TAFA4: variants seen among roughly 807,000 people sequenced by gnomAD.
TAFA4 encodes chemokine-like protein TAFA-4.
Under a neutral mutation model 21.1 loss-of-function variants are expected in TAFA4, and 20 were observed. The observed-to-expected ratio is 0.95, with a 90% CI of 0.67 to 1.38. The LOEUF (loss-of-function observed/expected upper bound fraction) is 1.38, where lower values mean the gene tolerates loss of function less well. TAFA4 is among the 40% of genes most tolerant of loss of function. The pLI is 0.00. For synonymous variants in TAFA4, 71 were observed against 67.4 expected (o/e 1.05, Z -0.26); for missense variants, 211 against 180.9 (o/e 1.17, Z -0.95).
chr3:68,910,754 T>G (rs34539210), intron 1 of TAFA4, among the ~76,000 whole-genome samples: 31,874 of 152,154 alleles, frequency 0.21, 3,383 homozygotes, highest in Middle Eastern at 0.32. Context: ...CAAAAATATT[T>G]TATGGGATTT....
intron 3 of TAFA4, among the ~76,000 whole-genome samples, chr3:68,813,553 C>T (rs1703889380): frequency 1.3e-5 from 2 of 152,178 alleles, no homozygotes; most frequent in Non-Finnish European, 2.9e-5. Flanking sequence ...TGCAAATAAA[C>T]TAGAAAATCT....
chr3:68,777,730 A>G (rs971293584), intron 3 of TAFA4, among the ~76,000 whole-genome samples: 1 of 152,212 alleles, frequency 6.6e-6, no homozygotes, highest in Non-Finnish European at 1.5e-5. Flanking sequence ...ATAATAATGT[A>G]TCTGTCGATG....
chr3:68,766,825 A>G (rs571307533), intron 3 of TAFA4, among the ~76,000 whole-genome samples: 1 of 152,292 alleles, frequency 6.6e-6, no homozygotes, highest in South Asian at 2.1e-4. Flanking sequence ...TGGGATAACA[A>G]AAAGAAAATT....
chr3:68,832,384 T>A (rs1704420942), intron 3 of TAFA4, among the ~76,000 whole-genome samples: 1 of 152,186 alleles, frequency 6.6e-6, no homozygotes, highest in Admixed American at 6.5e-5. Flanking sequence ...TCCTTTTTTG[T>A]TGATGTTGAT....
chr3:68,765,845 A>G (rs1702843465), intron 3 of TAFA4, among the ~76,000 whole-genome samples: 5 of 152,106 alleles, frequency 3.3e-5, no homozygotes, highest in African/African-American at 7.2e-5. Flanking sequence ...AGGGGAAGAG[A>G]TTCAGTATCC....
chr3:68,758,195 T>C (rs1044467792), intron 3 of TAFA4, among the ~76,000 whole-genome samples: 2 of 152,238 alleles, frequency 1.3e-5, no homozygotes, highest in Admixed American at 6.5e-5. Flanking sequence ...AGTTTCCCAC[T>C]GACAACATCT....
At chr3:68,917,753 C>CCA (rs764665164) in intron 1 of TAFA4, among the ~76,000 whole-genome samples, 1 of 58,188 alleles carries the variant, frequency 1.7e-5, no homozygotes, top group African/African-American at 6.4e-5. Flanking sequence ...GACTCTGTCT[C>CCA]AAAAAAAAAA....
At chr3:68,907,494 C>G (rs919355615) in intron 1 of TAFA4, among the ~76,000 whole-genome samples, 3 of 152,182 alleles carry the variant, frequency 2.0e-5, no homozygotes, top group African/African-American at 7.2e-5. Context: ...AGGAGAACAA[C>G]AAGACGACAT....
At chr3:68,844,198 T>G (rs1352402832) in intron 3 of TAFA4, among the ~76,000 whole-genome samples, 1 of 152,150 alleles carries the variant, frequency 6.6e-6, no homozygotes, top group Non-Finnish European at 1.5e-5. Context: ...TTTCAGAACT[T>G]GTTATTGGTC....
chr3:68,807,662 T>C (rs954571843), intron 3 of TAFA4, among the ~76,000 whole-genome samples: 21 of 152,354 alleles, frequency 1.4e-4, no homozygotes, highest in East Asian at 1.9e-4. Context: ...TATGTTTATA[T>C]AGTGTTAGAA....
chr3:68,850,386 GAC>G (rs1171196526), intron 3 of TAFA4, among the ~76,000 whole-genome samples: 1 of 152,094 alleles, frequency 6.6e-6, no homozygotes, highest in Non-Finnish European at 1.5e-5. Context: ...CTTAGTGAGG[GAC>G]AAAACAGACA....
At chr3:68,748,943 T>C (rs1702511190) in intron 4 of TAFA4, among the ~76,000 whole-genome samples, 1 of 152,188 alleles carries the variant, frequency 6.6e-6, no homozygotes. Flanking sequence ...GCATTATCTC[T>C]ATAGAGCAGT....
chr3:68,829,269 G>T (rs1704322640), intron 3 of TAFA4, among the ~76,000 whole-genome samples: 1 of 152,054 alleles, frequency 6.6e-6, no homozygotes, highest in Non-Finnish European at 1.5e-5. Context: ...TCTGATCTTT[G>T]ACAAACCTGA....
chr3:68,763,325 A>C (rs1019897808), intron 3 of TAFA4, among the ~76,000 whole-genome samples: 21 of 152,164 alleles, frequency 1.4e-4, no homozygotes, highest in African/African-American at 4.3e-4. Context: ...CTGAAAAGCC[A>C]TGTAGCAAAA....
chr3:68,784,828 G>A (rs1240020244), intron 3 of TAFA4, among the ~76,000 whole-genome samples: 2 of 152,154 alleles, frequency 1.3e-5, no homozygotes, highest in Non-Finnish European at 2.9e-5. Context: ...TACAACCCCT[G>A]AGCTAGACAC....
chr3:68,820,500 AC>A (rs1429404960), intron 3 of TAFA4, among the ~76,000 whole-genome samples: 1 of 151,826 alleles, frequency 6.6e-6, no homozygotes, highest in Non-Finnish European at 1.5e-5. Flanking sequence ...ACATAGTGAA[AC>A]CTCATCCTAC....
At chr3:68,839,954 ACAC>A (rs956775517) in intron 3 of TAFA4, among the ~76,000 whole-genome samples, 36 of 152,318 alleles carry the variant, frequency 2.4e-4, no homozygotes, top group Admixed American at 1.4e-3. Context: ...CAGATTTAAT[ACAC>A]AGGCAGAAAG....
intron 3 of TAFA4, among the ~76,000 whole-genome samples, chr3:68,823,291 C>T (rs2106866145): frequency 6.6e-6 from 1 of 152,238 alleles, no homozygotes; most frequent in East Asian, 1.9e-4. Flanking sequence ...CACTAAAATG[C>T]AGTAGTATTA....
intron 1 of TAFA4, among the ~76,000 whole-genome samples, chr3:68,925,466 G>T (rs537412187): frequency 6.6e-6 from 1 of 152,192 alleles, no homozygotes; most frequent in East Asian, 1.9e-4. Flanking sequence ...TTTTTCTTTG[G>T]ATGGCCTTAA....
Sources: allele counts gnomAD v4.1 joint callset (sites outside exome capture counted in the v4.1 genomes callset), GRCh38; gene constraint gnomAD v4.1.1; transcripts MANE v1.5; gene names NCBI Gene and HGNC (gene_info 2026-07-23, HGNC 2026-07-21).